PRKG1: variants seen among roughly 807,000 people sequenced by gnomAD.
PRKG1 encodes cGMP-dependent protein kinase 1.
In PRKG1, 35 loss-of-function variants were observed where a neutral mutation model predicts 88.1. The ratio of observed to expected loss-of-function variants is 0.40; its 90% CI spans 0.30 to 0.53. The LOEUF is 0.53. Among genes scored for constraint, PRKG1 ranks in the 20% least tolerant of loss-of-function variants. PRKG1 has a pLI of 0.59. For synonymous variants in PRKG1, 303 were observed against 292.5 expected (o/e 1.04, Z -0.37); for missense variants, 540 against 839.8 (o/e 0.64, Z 4.41).
At chr10:51,630,256 CACAA>C (rs750534729) in intron 3 of PRKG1, among the ~76,000 whole-genome samples, 16 of 152,172 alleles carry the variant, frequency 1.1e-4, no homozygotes, top group Non-Finnish European at 2.2e-4. Flanking sequence ...CTCAGAGCTG[CACAA>C]ACAGACATGA....
At chr10:51,159,407 T>G (rs2131985345) in intron 2 of PRKG1, among the ~76,000 whole-genome samples, 1 of 152,268 alleles carries the variant, frequency 6.6e-6, no homozygotes, top group South Asian at 2.1e-4. Context: ...AAAAGCTATC[T>G]TTAGAATCGT....
At chr10:52,050,568 T>C (rs1024616262) in intron 5 of PRKG1, among the ~76,000 whole-genome samples, 1 of 152,146 alleles carries the variant, frequency 6.6e-6, no homozygotes. Context: ...GCTTAGTCAT[T>C]ACAGTCCTGG....
intron 7 of PRKG1, among the ~76,000 whole-genome samples, chr10:52,119,486 A>G (rs549128534): frequency 6.6e-6 from 1 of 152,338 alleles, no homozygotes; most frequent in Non-Finnish European, 1.5e-5. Flanking sequence ...ATATGTGACC[A>G]TGCAACTTAA....
At chr10:52,187,828 T>C (rs12267781) in intron 9 of PRKG1, among the ~76,000 whole-genome samples, 35,238 of 151,906 alleles carry the variant, frequency 0.23, 6,126 homozygotes, top group African/African-American at 0.49. Context: ...CTATGTCAGC[T>C]GATAAGGTAT....
chr10:51,104,556 G>C lies in PRKG1; in HGVS notation c.311+29655G>C, dbSNP rs76781198. Among the ~76,000 whole-genome samples, 3 of 152,188 alleles carry C rather than the reference G, an allele frequency of 2.0e-5. No homozygotes were observed. In the East Asian group the frequency reaches 5.8e-4, roughly 29 times the overall value. On this transcript the variant is annotated intron_variant, in intron 1 of 17. Coordinates refer to ENST00000373980, the MANE Select transcript of PRKG1 (RefSeq NM_006258.4). ...TTTTCTTGAGATGGAGTTTCACTCT[G>C]TAGCCCAGGCTGGAGTGCAGTGGTG...
intron 9 of PRKG1, among the ~76,000 whole-genome samples, chr10:52,200,200 A>G (rs943204819): frequency 4.0e-5 from 6 of 151,778 alleles, no homozygotes; most frequent in Non-Finnish European, 1.5e-5. Flanking sequence ...TGCAATCCTC[A>G]CCCTCGTCCC....
chr10:51,232,262 G>A (rs187954719), intron 2 of PRKG1, among the ~76,000 whole-genome samples: 78 of 152,226 alleles, frequency 5.1e-4, no homozygotes, highest in Non-Finnish European at 8.7e-4. Context: ...CTAGTTTGTT[G>A]GCAAAACCTA....
At chr10:51,145,964 C>T (rs780950300) in intron 1 of PRKG1, among the ~76,000 whole-genome samples, 1 of 151,928 alleles carries the variant, frequency 6.6e-6, no homozygotes, top group Non-Finnish European at 1.5e-5. Context: ...GTCAGGAGAT[C>T]GAGACCATCC....
intron 2 of PRKG1, among the ~76,000 whole-genome samples, chr10:51,338,378 C>T (rs1043421234): frequency 6.6e-6 from 1 of 152,126 alleles, no homozygotes; most frequent in East Asian, 1.9e-4. Context: ...CGTAACAAAC[C>T]TGCACATCCT....
intron 1 of PRKG1, among the ~76,000 whole-genome samples, chr10:51,037,586 C>A (rs573547468): frequency 6.6e-6 from 1 of 152,084 alleles, no homozygotes; most frequent in Admixed American, 6.5e-5. Context: ...GAGTTTGAGA[C>A]CAGCCTGGCC....
intron 3 of PRKG1, among the ~76,000 whole-genome samples, chr10:51,786,631 A>G (rs1838737316): frequency 6.6e-6 from 1 of 152,076 alleles, no homozygotes; most frequent in Non-Finnish European, 1.5e-5. Context: ...TGCTTTCTTT[A>G]TTGATCTCTC....
At chr10:51,761,466 A>C (rs1838020435) in intron 3 of PRKG1, among the ~76,000 whole-genome samples, 1 of 152,190 alleles carries the variant, frequency 6.6e-6, no homozygotes, top group African/African-American at 2.4e-5. Context: ...TGTCCAATCT[A>C]CTTGAATGAG....
At chr10:51,928,772 C>T (rs970290351) in intron 5 of PRKG1, among the ~76,000 whole-genome samples, 1 of 152,070 alleles carries the variant, frequency 6.6e-6, no homozygotes, top group South Asian at 2.1e-4. Context: ...ACTGTTGACC[C>T]ACAAAGAGAT....
chr10:52,074,163 C>T (rs370022886), intron 7 of PRKG1, among the ~76,000 whole-genome samples: 14 of 152,120 alleles, frequency 9.2e-5, no homozygotes, highest in East Asian at 7.7e-4. Flanking sequence ...TGACCAGTAA[C>T]TAATGTTAAT....
rs1337002074 is a variant in PRKG1, at chr10:52,193,575, AC to A, written c.1076+31613del. ...AAAAAAAAAAAAACAAAAAAAAAAA[AC>A]AAAAAAAAAACTATTCCAAATGTCA... On this transcript the variant is annotated intron_variant, in intron 9 of 17. Transcript: ENST00000373980. 9.4e-4 allele frequency among the ~76,000 whole-genome samples: 132 copies of A among 141,022 alleles called. 1 individual carries two copies. The highest frequency in any genetic ancestry group is 3.2e-3 in the African/African-American group (122 of 37,788). The allele number at this position is 141,022 out of a possible 152,430, so 92.5% of individuals were successfully genotyped here.
At chr10:51,902,580 GA>G (rs1170388564) in intron 4 of PRKG1, among the ~76,000 whole-genome samples, 4 of 152,112 alleles carry the variant, frequency 2.6e-5, no homozygotes, top group African/African-American at 9.7e-5. Context: ...CAGGCACACA[GA>G]AAACTTAAGG....
chr10:51,867,961 G>A (rs1041111498), intron 4 of PRKG1, among the ~76,000 whole-genome samples: 3 of 151,998 alleles, frequency 2.0e-5, no homozygotes, highest in South Asian at 2.1e-4. Flanking sequence ...TTGACTTCAC[G>A]TATAAATTCC....
At chr10:51,755,220 C>G (rs1344858837) in intron 3 of PRKG1, among the ~76,000 whole-genome samples, 3 of 152,294 alleles carry the variant, frequency 2.0e-5, no homozygotes, top group African/African-American at 7.2e-5. Context: ...AAGCTGTACA[C>G]TGGATACTTA....
intron 9 of PRKG1, among the ~76,000 whole-genome samples, chr10:52,211,388 T>TA (rs1331856891): frequency 1.3e-5 from 2 of 152,152 alleles, no homozygotes; most frequent in Non-Finnish European, 2.9e-5. Flanking sequence ...TTTTTGCCCT[T>TA]AAAAAGGTTA....
Sources: allele counts gnomAD v4.1 joint callset (sites outside exome capture counted in the v4.1 genomes callset), GRCh38; gene constraint gnomAD v4.1.1; transcripts MANE v1.5; gene names NCBI Gene and HGNC (gene_info 2026-07-23, HGNC 2026-07-21).